NRXN1: variants seen among roughly 807,000 people sequenced by gnomAD.
The protein encoded by NRXN1 is neurexin-1.
Under a neutral mutation model 150.9 loss-of-function variants are expected in NRXN1, and 39 were observed. That is an observed-to-expected ratio of 0.26 (90% confidence interval 0.20 to 0.34). NRXN1 has a LOEUF of 0.34. Ranked by LOEUF, NRXN1 falls within the 10% of genes least tolerant of loss-of-function variation. NRXN1 has a pLI of 1.00. For synonymous variants in NRXN1, 924 were observed against 757.0 expected (o/e 1.22, Z -3.62); for missense variants, 1,815 against 1,949.9 (o/e 0.93, Z 1.30).
At chr2:50,141,975 A>C in intron 18 of NRXN1, among the ~76,000 whole-genome samples, 1 of 152,118 alleles carries the variant, frequency 6.6e-6, no homozygotes, top group East Asian at 1.9e-4. Flanking sequence ...AAAGGAAATC[A>C]GTTCAAAGGA....
At chr2:50,496,264 C>T (rs1453210462) in intron 14 of NRXN1, among the ~76,000 whole-genome samples, 169 bp from the exon 15 acceptor site, 1 of 152,076 alleles carries the variant, frequency 6.6e-6, no homozygotes, top group African/African-American at 2.4e-5. Flanking sequence ...AAACACTATT[C>T]TGTTTCAGCA....
chr2:50,502,109 C>G (rs1253764058), intron 13 of NRXN1, among the ~76,000 whole-genome samples: 1 of 151,792 alleles, frequency 6.6e-6, no homozygotes, highest in East Asian at 1.9e-4. Context: ...CATTTGGAAG[C>G]CTTTTATGTA....
At chr2:49,973,766 T>G (rs1678394130) in intron 21 of NRXN1, 5 of 554,774 alleles carry the variant, frequency 9.0e-6, no homozygotes, top group Non-Finnish European at 1.6e-5. Context: ...TAAAACAACC[T>G]TTCCACATTT....
intron 2 of NRXN1, among the ~76,000 whole-genome samples, chr2:50,949,189 T>A (rs977158774): frequency 6.6e-6 from 1 of 152,066 alleles, no homozygotes; most frequent in African/African-American, 2.4e-5. Flanking sequence ...TTTTATTACA[T>A]ATTCTTATCT....
chr2:50,647,105 T>C (rs1279310801), intron 5 of NRXN1, among the ~76,000 whole-genome samples: 1 of 151,880 alleles, frequency 6.6e-6, no homozygotes, highest in African/African-American at 2.4e-5. Context: ...TCTTGAATAA[T>C]TACCCGCTGA....
chr2:50,771,964 TA>T (rs1703062235), intron 5 of NRXN1, among the ~76,000 whole-genome samples: 1 of 152,036 alleles, frequency 6.6e-6, no homozygotes, highest in Non-Finnish European at 1.5e-5. Context: ...CCATAGCAGG[TA>T]AGGGTCTAAA....
intron 5 of NRXN1, among the ~76,000 whole-genome samples, chr2:50,838,645 A>T (rs2105918516): frequency 6.6e-6 from 1 of 152,262 alleles, no homozygotes; most frequent in East Asian, 1.9e-4. Context: ...GCACAGAAAG[A>T]AGATATTGTG....
intron 18 of NRXN1, among the ~76,000 whole-genome samples, chr2:50,222,239 A>G (rs1463400528): frequency 6.6e-6 from 1 of 151,988 alleles, no homozygotes; most frequent in African/African-American, 2.4e-5. Context: ...CTGCTGCTTC[A>G]TGAATGCTGC....
At chr2:50,193,219 G>T (rs2061554407) in intron 18 of NRXN1, among the ~76,000 whole-genome samples, 1 of 151,958 alleles carries the variant, frequency 6.6e-6, no homozygotes, top group Non-Finnish European at 1.5e-5. Flanking sequence ...AATAAAAGCA[G>T]CAGTCACATA....
At chr2:50,943,408 T>C (rs1689798380) in intron 2 of NRXN1, among the ~76,000 whole-genome samples, 1 of 152,218 alleles carries the variant, frequency 6.6e-6, no homozygotes, top group African/African-American at 2.4e-5. Flanking sequence ...ATTAGAAAGC[T>C]ATGGTCCAGA....
chr2:50,085,602 T>A (rs1201797460), intron 19 of NRXN1, among the ~76,000 whole-genome samples: 1 of 152,076 alleles, frequency 6.6e-6, no homozygotes, highest in East Asian at 1.9e-4. Context: ...AAATAATTAG[T>A]GCTTACTAAC....
intron 5 of NRXN1, among the ~76,000 whole-genome samples, chr2:50,817,058 C>G (rs1443796068): frequency 1.3e-5 from 2 of 152,038 alleles, no homozygotes; most frequent in African/African-American, 4.8e-5. Context: ...GGCACCATCT[C>G]TCCCCATGTT....
chr2:50,494,758 T>C (rs2091461404), intron 15 of NRXN1, among the ~76,000 whole-genome samples: 1 of 152,128 alleles, frequency 6.6e-6, no homozygotes, highest in African/African-American at 2.4e-5. Flanking sequence ...TGAGGCTGGG[T>C]GCAGTGGCTC....
intron 2 of NRXN1, among the ~76,000 whole-genome samples, chr2:50,979,454 T>C (rs1223953134): frequency 1.3e-5 from 2 of 152,128 alleles, no homozygotes; most frequent in Admixed American, 6.6e-5. Flanking sequence ...AGAAGCCAGA[T>C]GTGCAACATA....
intron 5 of NRXN1, among the ~76,000 whole-genome samples, chr2:50,697,034 G>C (rs1409178004): frequency 1.3e-5 from 2 of 152,076 alleles, no homozygotes; most frequent in African/African-American, 4.8e-5. Context: ...ACAAAGCTGG[G>C]TCATACACAA....
At chr2:49,924,824 C>A (rs957012914) in intron 22 of NRXN1, among the ~76,000 whole-genome samples, 6 of 152,082 alleles carry the variant, frequency 3.9e-5, no homozygotes, top group Non-Finnish European at 8.8e-5. Context: ...TCTTTCTTTT[C>A]CCCAGATTCA....
chr2:50,508,567 T>C (rs939244943), intron 12 of NRXN1, among the ~76,000 whole-genome samples: 15 of 145,260 alleles, frequency 1.0e-4, no homozygotes, highest in African/African-American at 3.8e-4. Context: ...TATAGGGAAC[T>C]TTTTTTTTTT....
intron 5 of NRXN1, among the ~76,000 whole-genome samples, chr2:50,826,031 T>C (rs1198475408): frequency 6.6e-6 from 1 of 152,184 alleles, no homozygotes; most frequent in Admixed American, 6.5e-5. Flanking sequence ...GAAATTACAG[T>C]GGCTATAGAC....
intron 21 of NRXN1, among the ~76,000 whole-genome samples, chr2:49,944,712 T>G (rs1672581884): frequency 6.6e-6 from 1 of 152,164 alleles, no homozygotes; most frequent in South Asian, 2.1e-4. Flanking sequence ...TTGGCTCTGC[T>G]AAGGTAAAAC....
Sources: gnomAD v4.1 joint callset for allele counts (sites outside exome capture counted in the v4.1 genomes callset) on GRCh38, gnomAD v4.1.1 for gene constraint, MANE v1.5 for transcripts, NCBI Gene and HGNC (gene_info 2026-07-23, HGNC 2026-07-21) for gene names.